The following PLXDC2 variants were observed in gnomAD, a reference collection of about 807,000 sequenced individuals.
PLXDC2 encodes plexin domain containing 2, also known as plexin domain-containing protein 2.
A neutral mutation model predicts 68.9 loss-of-function variants in PLXDC2; 40 were observed. The observed-to-expected ratio is 0.58, with a 90% CI of 0.45 to 0.76. The LOEUF (loss-of-function observed/expected upper bound fraction) is 0.76, where lower values mean the gene tolerates loss of function less well. Ranked by LOEUF, PLXDC2 falls within the 30% of genes least tolerant of loss-of-function variation. The pLI, the probability that PLXDC2 is intolerant of heterozygous loss-of-function variation, is 0.00. For synonymous variants in PLXDC2, 243 were observed against 234.2 expected, an observed-to-expected ratio of 1.04 and a Z score of -0.34; for missense variants, 644 against 661.9, an observed-to-expected ratio of 0.97 and a Z score of 0.30.
At chr10:20,012,333 TTGG>T (rs1170085467) in intron 2 of PLXDC2, among the ~76,000 whole-genome samples, 10,542 of 33,964 alleles carry the variant, frequency 0.31, 3,357 homozygotes, top group East Asian at 0.54. Context: ...TTTTTTTTTT[TTGG>T]AGAAGGAGAC....
In PLXDC2 at chr10:20,288,886, T is replaced by G. The variant is rs1280229695; in HGVS notation, c.*9067T>G. The G allele has an allele frequency of 6.6e-6, 1 of 152,110 alleles. No individual in the cohort carries two copies. Among genetic ancestry groups the G allele is most frequent in the Non-Finnish European group, 1.5e-5 (1 of 68,036 alleles). The allele number at this position is 152,110 out of a possible 1,614,324, so 9.4% of individuals were successfully genotyped here. On this transcript the variant is annotated 3_prime_UTR_variant, in exon 14 of 14. Coordinates refer to ENST00000377252, the MANE Select transcript of PLXDC2 (RefSeq NM_032812.9). ...TGGTGGGGACCAAATGTTACCTGTGTTTTTGCTGTTGATTGCTATTTTCAG... is the reference window on the plus strand; with the variant it reads ...TGGTGGGGACCAAATGTTACCTGTGGTTTTGCTGTTGATTGCTATTTTCAG...
intron 13 of PLXDC2, among the ~76,000 whole-genome samples, chr10:20,268,364 A>G (rs1835896622): frequency 1.3e-5 from 2 of 152,176 alleles, no homozygotes. Flanking sequence ...TCTGCCTTTT[A>G]AAGTTTCTTT....
At chr10:19,933,043 G>A (rs1342637380) in intron 1 of PLXDC2, among the ~76,000 whole-genome samples, 1 of 152,186 alleles carries the variant, frequency 6.6e-6, no homozygotes, top group Admixed American at 6.5e-5. Context: ...GAAAATCAGT[G>A]TCAAACAAAC....
At chr10:20,275,198 A>AT (rs149394527) in intron 13 of PLXDC2, among the ~76,000 whole-genome samples, 15,289 of 151,616 alleles carry the variant, frequency 0.1, 859 homozygotes, top group Middle Eastern at 0.12. Flanking sequence ...GAGGTTCAAT[A>AT]TTTTTTTTTC....
intron 1 of PLXDC2, among the ~76,000 whole-genome samples, chr10:19,931,310 A>C (rs909116760): frequency 2.0e-5 from 3 of 152,156 alleles, no homozygotes; most frequent in Non-Finnish European, 4.4e-5. Context: ...CTCACCTCTG[A>C]ATGCTGTGTG....
rs989881871 is a variant in PLXDC2 at position 20,288,348 on chromosome 10, C to T, written c.*8529C>T. 6.6e-6 allele frequency: 1 copy of T among 151,858 alleles called. No homozygotes were observed. Among genetic ancestry groups the T allele is most frequent in the African/African-American group, 2.4e-5 (1 of 41,340 alleles). The allele number at this position is 151,858 out of a possible 1,614,324, so 9.4% of individuals were successfully genotyped here. ...TTATTCCAGTCCTCTGGGCATCATT[C>T]CTATTTCTTCTGCCATGTCAAGGAG... On this transcript the variant is annotated 3_prime_UTR_variant, in exon 14 of 14. Coordinates refer to ENST00000377252, the MANE Select transcript of PLXDC2 (RefSeq NM_032812.9).
chr10:19,960,600 A>G (rs1213892927), intron 1 of PLXDC2, among the ~76,000 whole-genome samples: 1 of 152,076 alleles, frequency 6.6e-6, no homozygotes, highest in African/African-American at 2.4e-5. Flanking sequence ...TTCTCTCCAG[A>G]TACTCTAAAG....
chr10:19,936,034 T>C (rs1833717382), intron 1 of PLXDC2, among the ~76,000 whole-genome samples: 1 of 152,232 alleles, frequency 6.6e-6, no homozygotes, highest in Admixed American at 6.5e-5. Flanking sequence ...TTGAAATCGT[T>C]GAGAAACAAA....
intron 2 of PLXDC2, among the ~76,000 whole-genome samples, chr10:20,041,208 C>T (rs1835676447): frequency 6.6e-6 from 1 of 152,130 alleles, no homozygotes; most frequent in South Asian, 2.1e-4. Context: ...TTAGGCATTA[C>T]ATTTTTAAGT....
chr10:20,270,802 G>A (rs888494442), intron 13 of PLXDC2, among the ~76,000 whole-genome samples: 6 of 152,060 alleles, frequency 3.9e-5, no homozygotes, highest in African/African-American at 1.2e-4. Context: ...AATTACAGGT[G>A]TGAGCCATCG....
intron 9 of PLXDC2, among the ~76,000 whole-genome samples, chr10:20,179,730 C>T (rs1015093672): frequency 8.5e-5 from 13 of 152,124 alleles, no homozygotes; most frequent in Admixed American, 2.0e-4. Flanking sequence ...GAATCTGCTT[C>T]TACTGTTAAT....
At chr10:20,166,787 A>G (rs977963390) in intron 7 of PLXDC2, among the ~76,000 whole-genome samples, 28 of 152,170 alleles carry the variant, frequency 1.8e-4, no homozygotes, top group African/African-American at 5.8e-4. Context: ...TATATTCCCA[A>G]TGATAAAATT....
At chr10:19,837,403 AGAGAGAGTGTGTGT>A (rs1336992611) in intron 1 of PLXDC2, among the ~76,000 whole-genome samples, 103 of 60,634 alleles carry the variant, frequency 1.7e-3, no homozygotes, top group East Asian at 3.0e-3. Flanking sequence ...AGAGAGAGAG[AGAGAGAGTGTGTGT>A]GTGTGTGTGT....
intron 4 of PLXDC2, among the ~76,000 whole-genome samples, chr10:20,119,185 C>A (rs1283762251): frequency 3.3e-5 from 5 of 152,036 alleles, no homozygotes; most frequent in Non-Finnish European, 5.9e-5. Context: ...AAGGGTGATG[C>A]ATTCTGAAGT....
chr10:20,051,521 A>AT (rs1835901240), intron 3 of PLXDC2, among the ~76,000 whole-genome samples: 1 of 150,138 alleles, frequency 6.7e-6, no homozygotes, highest in East Asian at 2.0e-4. Context: ...CAGTGGAGGT[A>AT]TAAACCCTAT....
At chr10:19,897,203 A>C (rs1290142158) in intron 1 of PLXDC2, among the ~76,000 whole-genome samples, 1 of 147,902 alleles carries the variant, frequency 6.8e-6, no homozygotes, top group Non-Finnish European at 1.5e-5. Flanking sequence ...CCATGTCTCC[A>C]TGTCTCTTCC....
intron 1 of PLXDC2, among the ~76,000 whole-genome samples, chr10:19,916,395 C>G (rs1355114753): frequency 6.6e-6 from 1 of 151,338 alleles, no homozygotes; most frequent in Non-Finnish European, 1.5e-5. Flanking sequence ...GTGATCCGCC[C>G]ACCTTAGCCT....
chr10:19,950,680 G>A (rs1833977475), intron 1 of PLXDC2, among the ~76,000 whole-genome samples: 1 of 152,064 alleles, frequency 6.6e-6, no homozygotes, highest in Admixed American at 6.6e-5. Context: ...CCAAAAAGTA[G>A]CCCAAATAGC....
At chr10:20,196,902 A>T (rs1303082930) in intron 9 of PLXDC2, among the ~76,000 whole-genome samples, 1 of 152,126 alleles carries the variant, frequency 6.6e-6, no homozygotes, top group Non-Finnish European at 1.5e-5. Flanking sequence ...GAAATCACTA[A>T]TCGGCTTGTT....
Sources: gnomAD v4.1 joint callset for allele counts (sites outside exome capture counted in the v4.1 genomes callset) on GRCh38, gnomAD v4.1.1 for gene constraint, MANE v1.5 for transcripts, NCBI Gene and HGNC (gene_info 2026-07-23, HGNC 2026-07-21) for gene names.